The following DCDC2 variants were observed in gnomAD, a reference collection of about 807,000 sequenced individuals.
DCDC2 encodes the protein doublecortin domain containing 2.
DCDC2 carries 40 observed loss-of-function variants against 50.2 expected under a neutral mutation model. That is an observed-to-expected ratio of 0.80 (90% CI 0.62 to 1.04). The LOEUF is 1.04. DCDC2 is among the 50% of genes least tolerant of loss of function. DCDC2 has a pLI of 0.00. For synonymous variants in DCDC2, 234 were observed against 210.6 expected (o/e 1.11, Z -0.96); for missense variants, 570 against 581.9 (o/e 0.98, Z 0.21).
intron 7 of DCDC2, 177 bp from the exon 8 acceptor site, chr6:24,205,279 T>G: frequency 3.2e-6 from 5 of 1,552,850 alleles, no homozygotes; most frequent in Non-Finnish European, 4.4e-6. Context: ...GTTCCACATT[T>G]TCATTGAGAA....
intron 2 of DCDC2, among the ~76,000 whole-genome samples, chr6:24,340,051 G>A (rs991087094): frequency 3.1e-4 from 47 of 152,286 alleles, no homozygotes; most frequent in African/African-American, 1.1e-3. Flanking sequence ...ATTCCCAGTA[G>A]ACAATCACAT....
chr6:24,208,787 T>C (rs1561891056), intron 7 of DCDC2, among the ~76,000 whole-genome samples: 2 of 152,262 alleles, frequency 1.3e-5, no homozygotes, highest in African/African-American at 2.4e-5. Flanking sequence ...CCTTTAGGCA[T>C]AGACCACAAT....
chr6:24,321,204 A>G (rs1759768669), intron 2 of DCDC2, among the ~76,000 whole-genome samples: 1 of 147,124 alleles, frequency 6.8e-6, no homozygotes, highest in Non-Finnish European at 1.5e-5. Context: ...AGAAGAAATA[A>G]TGAAAATAGA....
chr6:24,214,138 C>T (rs553828251), intron 7 of DCDC2, among the ~76,000 whole-genome samples: 1 of 152,160 alleles, frequency 6.6e-6, no homozygotes, highest in Non-Finnish European at 1.5e-5. Context: ...GTATTCTTAA[C>T]TGTAGTTTGA....
rs775204027 is a variant in DCDC2 at position 24,357,690 on chromosome 6, C to A, written c.61G>T (p.Val21Leu). ...LSQPVVKSVL[V>L]YRNGDPFYAG... ...TAGAAGGGGTCCCCGTTGCGGTACA[C>A]AAGCACGCTCTTCACGACGGGCTGA... Residue 21 changes from valine to leucine, a missense_variant, in exon 1 of 10, where the codon GTG (valine) becomes TTG (leucine). Transcript: ENST00000378454. The A allele has an allele frequency of 6.2e-7, 1 of 1,613,314 alleles. No individual in the cohort carries two copies. Among genetic ancestry groups the A allele is most frequent in the South Asian group, 1.1e-5 (1 of 91,092 alleles).
intron 8 of DCDC2, among the ~76,000 whole-genome samples, chr6:24,188,520 G>A (rs989023711): frequency 4.6e-5 from 7 of 152,076 alleles, no homozygotes; most frequent in Non-Finnish European, 1.0e-4. Context: ...CACTGCAAAA[G>A]CAATAAATCA....
chr6:24,254,316 T>A (rs1263165224), intron 7 of DCDC2, among the ~76,000 whole-genome samples: 1 of 152,174 alleles, frequency 6.6e-6, no homozygotes, highest in Admixed American at 6.5e-5. Context: ...AAACAAGTAA[T>A]AGAGTTATCT....
intron 9 of DCDC2, among the ~76,000 whole-genome samples, chr6:24,177,737 T>G (rs1384184861): frequency 6.6e-6 from 1 of 152,216 alleles, no homozygotes; most frequent in Non-Finnish European, 1.5e-5. Context: ...TATTACTTTT[T>G]CTGTTCTCTT....
chr6:24,320,949 TAA>T (rs1759762769), intron 2 of DCDC2, among the ~76,000 whole-genome samples: 1 of 121,854 alleles, frequency 8.2e-6, no homozygotes, highest in Non-Finnish European at 1.8e-5. Flanking sequence ...AGTAATTAAA[TAA>T]AAAAATTAAA....
chr6:24,186,998 T>A (rs1761217737), intron 8 of DCDC2, among the ~76,000 whole-genome samples: 1 of 152,158 alleles, frequency 6.6e-6, no homozygotes, highest in East Asian at 1.9e-4. Flanking sequence ...TCCAGAGCTG[T>A]GAGAAAATAA....
intron 2 of DCDC2, among the ~76,000 whole-genome samples, chr6:24,318,616 C>T (rs1684493683): frequency 6.6e-6 from 1 of 152,008 alleles, no homozygotes; most frequent in Admixed American, 6.6e-5. Flanking sequence ...CATTTGTACA[C>T]ATTATTTAGG....
intron 2 of DCDC2, among the ~76,000 whole-genome samples, chr6:24,303,588 T>C (rs1759420798): frequency 6.6e-6 from 1 of 152,242 alleles, no homozygotes; most frequent in Admixed American, 6.5e-5. Context: ...TAGTATTGAT[T>C]CTTGCACTTT....
chr6:24,188,123 A>G (rs1365718375), intron 8 of DCDC2, among the ~76,000 whole-genome samples: 4 of 152,174 alleles, frequency 2.6e-5, no homozygotes, highest in African/African-American at 9.7e-5. Flanking sequence ...TCACCTGGGG[A>G]CCTTGTCAAA....
rs142634884 is a variant in DCDC2 at position 24,260,338 on chromosome 6, AC to A, written c.922+17710del. Among the ~76,000 whole-genome samples the A allele has an allele frequency of 2.5e-3, 383 of 152,312 alleles. 11 individuals carry two copies. The highest frequency in any genetic ancestry group is 2.1e-3 in the East Asian group (11 of 5,178). ...AAAGTTCCTCATCTCTGACTTGGAGACCAGTCCAGACTAATTCGTATCTCCT... is the reference window on the plus strand; with the variant it reads ...AAAGTTCCTCATCTCTGACTTGGAGACAGTCCAGACTAATTCGTATCTCCT... On this transcript the variant is annotated intron_variant, in intron 7 of 9. Coordinates refer to ENST00000378454, the MANE Select transcript of DCDC2 (RefSeq NM_016356.5).
At chr6:24,191,299 G>A (rs576164696) in intron 8 of DCDC2, among the ~76,000 whole-genome samples, 30 of 152,240 alleles carry the variant, frequency 2.0e-4, no homozygotes, top group Admixed American at 5.2e-4. Flanking sequence ...CATTAGTTGG[G>A]GGTAGAGTCA....
chr6:24,352,175 A>G (rs1030456596), intron 2 of DCDC2, among the ~76,000 whole-genome samples: 1 of 152,216 alleles, frequency 6.6e-6, no homozygotes, highest in South Asian at 2.1e-4. Flanking sequence ...ACTAGGGATA[A>G]TGTCTTCAGC....
At chr6:24,301,505 C>T (rs1165487013) in intron 4 of DCDC2, among the ~76,000 whole-genome samples, 1 of 151,906 alleles carries the variant, frequency 6.6e-6, no homozygotes, top group Non-Finnish European at 1.5e-5. Flanking sequence ...CTACTATGTG[C>T]CAATGACTGT....
intron 2 of DCDC2, among the ~76,000 whole-genome samples, chr6:24,317,244 T>C (rs1759687807): frequency 6.6e-6 from 1 of 152,074 alleles, no homozygotes; most frequent in Non-Finnish European, 1.5e-5. Flanking sequence ...TTTTAAACCA[T>C]AATTTTAAAA....
the DCDC2 span, among the ~76,000 whole-genome samples, chr6:24,372,230 G>A: frequency 2.0e-5 from 3 of 152,144 alleles, no homozygotes; most frequent in Non-Finnish European, 2.9e-5. Flanking sequence ...GACCATCCTG[G>A]CTAACACGGT....
Sources: allele counts gnomAD v4.1 joint callset (sites outside exome capture counted in the v4.1 genomes callset), GRCh38; gene constraint gnomAD v4.1.1; transcripts MANE v1.5; gene names NCBI Gene and HGNC (gene_info 2026-07-23, HGNC 2026-07-21).